Variants in DENND5A observed in about 807,000 individuals in gnomAD.
DENND5A encodes DENN domain containing 5A.
In DENND5A, 64 loss-of-function variants were observed where a neutral mutation model predicts 140.3. The ratio of observed to expected loss-of-function variants is 0.46; its 90% CI spans 0.37 to 0.56. DENND5A has a LOEUF of 0.56. Ranked by LOEUF, DENND5A falls within the 20% of genes least tolerant of loss-of-function variation. The pLI, the probability that DENND5A is intolerant of heterozygous loss-of-function variation, is 0.00. For missense variants in DENND5A, 1,292 were observed against 1,593.8 expected (o/e 0.81, Z 3.22); for synonymous variants, 605 against 607.7 (o/e 1.00, Z 0.07).
intron 4 of DENND5A, among the ~76,000 whole-genome samples, chr11:9,201,429 C>A (rs552093435): frequency 2.0e-5 from 3 of 151,244 alleles, no homozygotes; most frequent in African/African-American, 7.3e-5. Flanking sequence ...GTAATCCCAG[C>A]ACTTTGGGAA....
intron 22 of DENND5A, 112 bp from the exon 23 acceptor site, chr11:9,139,966 C>G (rs1447565285): frequency 1.3e-5 from 15 of 1,165,924 alleles, no homozygotes; most frequent in South Asian, 4.5e-5. Flanking sequence ...GCTGGAGAAG[C>G]TGACAGCCCC....
At chr11:9,221,586 G>A (rs1850313847) in intron 1 of DENND5A, among the ~76,000 whole-genome samples, 1 of 151,950 alleles carries the variant, frequency 6.6e-6, no homozygotes, top group Non-Finnish European at 1.5e-5. Context: ...GGCTGGTCTT[G>A]AACTCCTGAC....
At chr11:9,199,972 A>G (rs79765229) in intron 4 of DENND5A, among the ~76,000 whole-genome samples, 2,344 of 152,330 alleles carry the variant, frequency 0.015, 56 homozygotes, top group African/African-American at 0.05. Context: ...ATTTCTGAAA[A>G]AAGCTTTCTC....
intron 11 of DENND5A, among the ~76,000 whole-genome samples, chr11:9,164,662 T>G (rs1229012603): frequency 6.6e-6 from 1 of 152,162 alleles, no homozygotes; most frequent in Non-Finnish European, 1.5e-5. Context: ...AATCTAAGCT[T>G]AAACGGAATG....
At position 9,197,122 on chromosome 11, in the gene DENND5A, T is replaced by C. The variant is rs573155535; in HGVS notation, c.950-3441A>G. ...GAGTTTAAGACCAACCTGGCAAGAATAGCAAAACCCCGTCTCTACTAAAAA... is the reference window on the plus strand; with the variant it reads ...GAGTTTAAGACCAACCTGGCAAGAACAGCAAAACCCCGTCTCTACTAAAAA... On this transcript the variant is annotated intron_variant, in intron 4 of 22. Coordinates refer to ENST00000328194, the MANE Select transcript of DENND5A (RefSeq NM_015213.4). 1.2e-3 allele frequency among the ~76,000 whole-genome samples: 185 copies of C among 150,978 alleles called. 1 individual carries two copies. The highest frequency in any genetic ancestry group is 2.2e-3 in the Non-Finnish European group (147 of 67,746).
chr11:9,218,200 A>T (rs1220280932), intron 1 of DENND5A, among the ~76,000 whole-genome samples: 1 of 151,320 alleles, frequency 6.6e-6, no homozygotes. Flanking sequence ...CAGAGGCTGC[A>T]GTGAGCTGAG....
chr11:9,229,409 G>C (rs1488449450), intron 1 of DENND5A, among the ~76,000 whole-genome samples: 2 of 152,016 alleles, frequency 1.3e-5, no homozygotes, highest in Admixed American at 6.6e-5. Context: ...AACTAAAGGA[G>C]ACCGGAAGAC....
chr11:9,201,819 G>A (rs1246945527), intron 4 of DENND5A, among the ~76,000 whole-genome samples: 2 of 151,918 alleles, frequency 1.3e-5, no homozygotes, highest in Non-Finnish European at 2.9e-5. Context: ...AAAAAAAATG[G>A]TTAGGCAAAA....
intron 21 of DENND5A, 91 bp from the exon 22 acceptor site, chr11:9,142,199 C>T: frequency 9.7e-7 from 1 of 1,030,494 alleles, no homozygotes; most frequent in Non-Finnish European, 1.4e-6. Context: ...CTCTCCAAGT[C>T]CACACAGGTA....
At chr11:9,215,830 G>A (rs575003261) in intron 1 of DENND5A, among the ~76,000 whole-genome samples, 9 of 152,226 alleles carry the variant, frequency 5.9e-5, no homozygotes, top group Admixed American at 1.3e-4. Flanking sequence ...GATTACAAGC[G>A]TGAGCCACCG....
In DENND5A at chr11:9,143,503, G is replaced by C. The variant is rs1266993832; in HGVS notation, c.3305-18C>G. ...GTTCAGCTCTAATAAAAATCAAGCA[G>C]ACATCCCTAACCAATCTCTGAGGCT... On this transcript the variant is annotated intron_variant, in intron 19 of 22. Transcript: ENST00000328194. 6.2e-7 allele frequency: 1 copy of C among 1,603,766 alleles called. No individual in the cohort carries two copies.
intron 1 of DENND5A, among the ~76,000 whole-genome samples, chr11:9,248,600 G>A (rs1284155524): frequency 6.6e-6 from 1 of 151,884 alleles, no homozygotes; most frequent in Admixed American, 6.6e-5. Context: ...GCTGAACTGC[G>A]CTGTGATTGA....
At chr11:9,246,584 C>T (rs1259278881) in intron 1 of DENND5A, among the ~76,000 whole-genome samples, 1 of 147,534 alleles carries the variant, frequency 6.8e-6, no homozygotes, top group Non-Finnish European at 1.5e-5. Flanking sequence ...TGTACTCCAG[C>T]CTAGGCCACA....
chr11:9,221,646 G>A (rs190702207), intron 1 of DENND5A, among the ~76,000 whole-genome samples: 123 of 152,134 alleles, frequency 8.1e-4, no homozygotes, highest in East Asian at 2.7e-3. Context: ...GATTACAGGC[G>A]TGAGCCACCG....
In DENND5A at chr11:9,193,665, C is replaced by G. The variant is rs753925388; in HGVS notation, c.966G>C (p.Met322Ile). 2 of 1,612,168 alleles carry G rather than the reference C, an allele frequency of 1.2e-6. No homozygotes were observed. Among genetic ancestry groups the G allele is most frequent in the South Asian group, 2.2e-5 (2 of 90,708 alleles). Reference sequence around the variant, plus strand: ...GAGCTGTAATCGTCTCCGCCACAGTCATCAGTCTCTGGTAATCTGGGTCAA... The same window carrying G: ...GAGCTGTAATCGTCTCCGCCACAGTGATCAGTCTCTGGTAATCTGGGTCAA... ...LLYSQHYQRL[M>I]TVAETITALM... The change falls in exon 5 of 23, where the codon ATG becomes ATC. Residue 322 changes from methionine to isoleucine, a missense_variant. Transcript: ENST00000328194.
chr11:9,241,790 G>A (rs1356405627), intron 1 of DENND5A, among the ~76,000 whole-genome samples: 8 of 152,080 alleles, frequency 5.3e-5, no homozygotes, highest in African/African-American at 1.4e-4. Flanking sequence ...CAAGGCGGGC[G>A]GATCACCTGA....
chr11:9,165,758 G>C, intron 11 of DENND5A, 78 bp downstream of exon 11: 6 of 1,515,106 alleles, frequency 4.0e-6, no homozygotes, highest in Non-Finnish European at 4.5e-6. Context: ...AATCCAGAGG[G>C]AGTGGTCAGA....
chr11:9,189,293 G>A (rs1309004155), intron 5 of DENND5A, among the ~76,000 whole-genome samples: 3 of 152,236 alleles, frequency 2.0e-5, no homozygotes, highest in African/African-American at 7.2e-5. Context: ...ATACCTGGAT[G>A]CCCAGAGAGA....
At chr11:9,158,597 T>C (rs1380851408) in intron 12 of DENND5A, among the ~76,000 whole-genome samples, 1 of 151,992 alleles carries the variant, frequency 6.6e-6, no homozygotes, top group Non-Finnish European at 1.5e-5. Context: ...AATTCCATCA[T>C]ACATATAAGG....
Sources: gnomAD v4.1 joint callset for allele counts (sites outside exome capture counted in the v4.1 genomes callset) on GRCh38, gnomAD v4.1.1 for gene constraint, MANE v1.5 for transcripts, NCBI Gene and HGNC (gene_info 2026-07-23, HGNC 2026-07-21) for gene names.